CALD1: variants seen among roughly 807,000 people sequenced by gnomAD.
CALD1 encodes caldesmon.
Under a neutral mutation model 99.9 loss-of-function variants are expected in CALD1, and 33 were observed. That is an observed-to-expected ratio of 0.33 (90% CI 0.25 to 0.44). The LOEUF (loss-of-function observed/expected upper bound fraction) is 0.44. CALD1 is among the 20% of genes least tolerant of loss of function. CALD1 has a pLI of 1.00. For missense variants in CALD1, 861 were observed against 962.1 expected (o/e 0.89, Z 1.39); for synonymous variants, 310 against 325.0 (o/e 0.95, Z 0.50).
intron 3 of CALD1, among the ~76,000 whole-genome samples, chr7:134,915,376 C>CT (rs958321620): frequency 7.2e-5 from 11 of 151,838 alleles, no homozygotes; most frequent in Middle Eastern, 3.4e-3. Context: ...GAAATATGAA[C>CT]TTTTTTTTTA....
At chr7:134,847,820 C>T (rs898205244) in intron 2 of CALD1, among the ~76,000 whole-genome samples, 1 of 152,218 alleles carries the variant, frequency 6.6e-6, no homozygotes, top group African/African-American at 2.4e-5. Flanking sequence ...GCCAGGAGCT[C>T]TTGTCTAGAA....
chr7:134,887,145 G>A (rs1417229590), intron 3 of CALD1, among the ~76,000 whole-genome samples: 1 of 152,198 alleles, frequency 6.6e-6, no homozygotes, highest in Admixed American at 6.5e-5. Context: ...AGAACCACTG[G>A]AAGACTAGGA....
At chr7:134,928,326 G>A (rs1805203551) in intron 3 of CALD1, among the ~76,000 whole-genome samples, 1 of 151,520 alleles carries the variant, frequency 6.6e-6, no homozygotes, top group African/African-American at 2.4e-5. Context: ...CTGCTCGGGA[G>A]GCTGAGGTAG....
intron 2 of CALD1, among the ~76,000 whole-genome samples, chr7:134,861,360 T>G (rs1309530489): frequency 2.0e-5 from 3 of 152,166 alleles, no homozygotes; most frequent in African/African-American, 7.2e-5. Flanking sequence ...CTGGAGTATG[T>G]TGTACCCAGA....
At chr7:134,924,615 T>C (rs1241116115) in intron 3 of CALD1, among the ~76,000 whole-genome samples, 1 of 152,180 alleles carries the variant, frequency 6.6e-6, no homozygotes, top group African/African-American at 2.4e-5. Flanking sequence ...TGATTGAAAA[T>C]GCCATGAAAC....
intron 3 of CALD1, among the ~76,000 whole-genome samples, chr7:134,892,519 A>G (rs924868353): frequency 6.6e-6 from 1 of 152,222 alleles, no homozygotes; most frequent in Non-Finnish European, 1.5e-5. Context: ...CAGCATGACA[A>G]TTGTTGTTCC....
chr7:134,768,341 TCTC>T (rs1412889438), intron 1 of CALD1, among the ~76,000 whole-genome samples: 2 of 152,154 alleles, frequency 1.3e-5, no homozygotes, highest in East Asian at 3.8e-4. Flanking sequence ...CAGTGCAGGC[TCTC>T]ATTTCATCTG....
the CALD1 span, among the ~76,000 whole-genome samples, chr7:134,737,548 C>T: frequency 6.6e-6 from 1 of 151,568 alleles, no homozygotes; most frequent in Admixed American, 6.6e-5. Context: ...GATTTCTTTC[C>T]TTCTGTAATG....
chr7:134,952,952 G>A (rs1563128516), intron 9 of CALD1, among the ~76,000 whole-genome samples: 2 of 152,094 alleles, frequency 1.3e-5, no homozygotes, highest in Non-Finnish European at 2.9e-5. Context: ...GTCCTATGAG[G>A]GAAAGAACAA....
At chr7:134,719,167 T>G in the CALD1 span, among the ~76,000 whole-genome samples, 1 of 152,168 alleles carries the variant, frequency 6.6e-6, no homozygotes, top group African/African-American at 2.4e-5. Flanking sequence ...ACAGAAATAT[T>G]AACTTTCAGA....
At chr7:134,946,641 A>C (rs559096955) in intron 7 of CALD1, among the ~76,000 whole-genome samples, 21 of 150,642 alleles carry the variant, frequency 1.4e-4, no homozygotes, top group African/African-American at 4.9e-4. Flanking sequence ...AGGTTTATCC[A>C]TGTTGTAACA....
At chr7:134,727,664 T>C in the CALD1 span, among the ~76,000 whole-genome samples, 29 of 152,346 alleles carry the variant, frequency 1.9e-4, no homozygotes, top group South Asian at 5.6e-3. Flanking sequence ...GCGGACTTCC[T>C]TCACATGCCG....
At chr7:134,915,197 G>A (rs1283361453) in intron 3 of CALD1, among the ~76,000 whole-genome samples, 4 of 152,150 alleles carry the variant, frequency 2.6e-5, no homozygotes, top group Non-Finnish European at 5.9e-5. Context: ...TCGGAACCTA[G>A]GCCTTCATGC....
upstream of CALD1, among the ~76,000 whole-genome samples, chr7:134,775,145 G>T (rs1353649376): frequency 3.3e-5 from 5 of 151,998 alleles, no homozygotes; most frequent in Non-Finnish European, 5.9e-5. Context: ...CCACAAAATT[G>T]ATTGTAACCC....
chr7:134,842,785 A>G (rs536684375), intron 1 of CALD1, among the ~76,000 whole-genome samples: 3 of 152,286 alleles, frequency 2.0e-5, no homozygotes, highest in African/African-American at 7.2e-5. Flanking sequence ...TGTTTAATCT[A>G]GAAAGGTGCT....
intron 1 of CALD1, among the ~76,000 whole-genome samples, chr7:134,780,010 G>A (rs2131667433): frequency 6.6e-6 from 1 of 152,258 alleles, no homozygotes; most frequent in Admixed American, 6.5e-5. Context: ...GGGAACACTG[G>A]CAACTTTGAT....
chr7:134,758,505 T>G (rs919806470), intron 1 of CALD1, among the ~76,000 whole-genome samples: 2 of 95,552 alleles, frequency 2.1e-5, no homozygotes, highest in African/African-American at 4.7e-5. Flanking sequence ...CATTGGGGTG[T>G]GTGTGTGTGT....
chr7:134,878,198 G>C (rs1801437259), intron 3 of CALD1, among the ~76,000 whole-genome samples: 1 of 152,152 alleles, frequency 6.6e-6, no homozygotes, highest in Admixed American at 6.6e-5. Context: ...GCATTCCAAA[G>C]ATTCTCTCCA....
At chr7:134,732,460 T>C in the CALD1 span, among the ~76,000 whole-genome samples, 3 of 152,180 alleles carry the variant, frequency 2.0e-5, no homozygotes, top group Admixed American at 2.0e-4. Context: ...TCTGTGCCCT[T>C]ATAAAATAGG....
Sources: gnomAD v4.1 joint callset for allele counts (sites outside exome capture counted in the v4.1 genomes callset) on GRCh38, gnomAD v4.1.1 for gene constraint, MANE v1.5 for transcripts, NCBI Gene and HGNC (gene_info 2026-07-23, HGNC 2026-07-21) for gene names.